The following KHSRP variants were observed in gnomAD, a reference collection of about 807,000 sequenced individuals.
The protein encoded by KHSRP is KH-type splicing regulatory protein.
KHSRP carries 13 observed loss-of-function variants against 94.9 expected under a neutral mutation model. That is an observed-to-expected ratio of 0.14 (90% CI 0.09 to 0.22). The LOEUF is 0.22. Ranked by LOEUF, KHSRP falls within the 10% of genes least tolerant of loss-of-function variation. The pLI is 1.00. For missense variants in KHSRP, 710 were observed against 1,010.0 expected (o/e 0.70, Z 4.03); for synonymous variants, 495 against 401.4 (o/e 1.23, Z -2.79).
At chr19:6,417,192 TCA>T in intron 11 of KHSRP, 105 bp from the exon 12 acceptor site, 1 of 828,798 alleles carries the variant, frequency 1.2e-6, no homozygotes. Context: ...GCCTGAGATC[TCA>T]GACGCGCTGC....
intron 3 of KHSRP, 65 bp downstream of exon 3, chr19:6,421,585 T>C (rs953846226): frequency 5.1e-6 from 8 of 1,560,422 alleles, no homozygotes; most frequent in Non-Finnish European, 7.1e-6. Context: ...TGCTTCCAGC[T>C]CCTGACTCCT....
At chr19:6,420,290 G>T in intron 5 of KHSRP, 132 bp downstream of exon 5, 1 of 1,137,792 alleles carries the variant, frequency 8.8e-7, no homozygotes. Context: ...GCCCAGAGGG[G>T]ACGAAGGAGG....
At chr19:6,416,021 C>T (rs1043545816) in intron 15 of KHSRP, 125 bp from the exon 16 acceptor site, 14 of 686,276 alleles carry the variant, frequency 2.0e-5, no homozygotes, top group East Asian at 8.7e-5. Flanking sequence ...CTCAACGGGG[C>T]GCCTGGGAAA....
intron 2 of KHSRP, 37 bp downstream of exon 2, chr19:6,422,303 C>T: frequency 7.0e-7 from 1 of 1,438,288 alleles, no homozygotes; most frequent in Middle Eastern, 1.8e-4. Context: ...GGCCCCCAGC[C>T]CTTCCTCCTA....
intron 1 of KHSRP, among the ~76,000 whole-genome samples, chr19:6,423,969 C>T (rs1313441887): frequency 1.3e-5 from 2 of 152,176 alleles, no homozygotes; most frequent in African/African-American, 4.8e-5. Flanking sequence ...TAGACAGGTC[C>T]CCATCCACTT....
Position 6,416,426 on chromosome 19 carries a change from A to C in KHSRP, c.1489-19T>G. On this transcript the variant is annotated intron_variant, in intron 14 of 18. Transcript: ENST00000600480. ...GAGGACCCTAGAAGGAAGGAGAGTAACCAAGGTAAGTGGGCTGGGATCCGG... is the reference window on the plus strand; with the variant it reads ...GAGGACCCTAGAAGGAAGGAGAGTACCCAAGGTAAGTGGGCTGGGATCCGG... The C allele has an allele frequency of 6.2e-7, 1 of 1,613,050 alleles. No homozygotes were observed. The highest frequency in any genetic ancestry group is 2.2e-5 in the East Asian group (1 of 44,868).
Position 6,414,219 on chromosome 19 carries a change from G to A in KHSRP, c.*805C>T, listed in dbSNP as rs753741621. The stretch of plus-strand genomic sequence containing the variant: ...GAGGGGCTGGAACACCGTGGGGGGG[G>A]CCAGGAAGCCCCCTCCCAAACCTGC... On this transcript the variant is annotated 3_prime_UTR_variant, in exon 19 of 19. Transcript: ENST00000600480. The A allele has an allele frequency of 1.3e-6, 2 of 1,521,708 alleles. No individual in the cohort carries two copies. The highest frequency in any genetic ancestry group is 8.8e-7 in the Non-Finnish European group (1 of 1,134,600). The allele number at this position is 1,521,708 out of a possible 1,614,324, so 94.3% of individuals were successfully genotyped here. A position where few individuals can be genotyped will look rare whatever the true frequency, so the allele number is the denominator to read the frequency against.
rs144637034 is a variant in KHSRP, at chr19:6,417,157, C to T, written c.1082-70G>A. On this transcript the variant is annotated intron_variant, in intron 11 of 18. Transcript: ENST00000600480. The stretch of plus-strand genomic sequence containing the variant: ...AGCCCACCCCAGAGCCCTGCAACGC[C>T]GCCTCCAGCGCAGACACCACGCCGG... 3.8e-3 allele frequency: 4,627 copies of T among 1,212,256 alleles called. 25 individuals carry two copies. Among genetic ancestry groups the T allele is most frequent in the South Asian group, 5.2e-3 (362 of 69,338 alleles). 75.1% of individuals were successfully genotyped at this position (1,212,256 alleles called of 1,614,324 possible). A position where few individuals can be genotyped will look rare whatever the true frequency, so the allele number is the denominator to read the frequency against.
intron 4 of KHSRP, 125 bp downstream of exon 4, chr19:6,421,153 G>C (rs1027838035): frequency 2.3e-6 from 2 of 857,490 alleles, no homozygotes; most frequent in Admixed American, 2.4e-5. Context: ...GAGCACTCTG[G>C]TCAACTGGCA....
At chr19:6,423,315 G>A (rs2092206439) in intron 1 of KHSRP, among the ~76,000 whole-genome samples, 1 of 152,138 alleles carries the variant, frequency 6.6e-6, no homozygotes. Flanking sequence ...GACTCTATGG[G>A]ACACAAGTTA....
chr19:6,424,216 C>G (rs1435272020), intron 1 of KHSRP: 3 of 152,602 alleles, frequency 2.0e-5, no homozygotes, highest in African/African-American at 7.3e-5. Flanking sequence ...CGCCTGCACA[C>G]CCAGGCGCCG....
Position 6,413,987 on chromosome 19 carries a change from A to T in KHSRP, c.*1037T>A. 1.1e-6 allele frequency: 1 copy of T among 891,922 alleles called. No homozygotes were observed. Among genetic ancestry groups the T allele is most frequent in the Non-Finnish European group, 1.6e-6 (1 of 630,476 alleles). The allele number at this position is 891,922 out of a possible 1,614,324, so 55.3% of individuals were successfully genotyped here. A position where few individuals can be genotyped will look rare whatever the true frequency, so the allele number is the denominator to read the frequency against. On this transcript the variant is annotated 3_prime_UTR_variant, in exon 19 of 19. Transcript: ENST00000600480. ...AGTCCCCCCCACCCTGCTTGCCGCGAGGGCTCCCCAGTACTCCCCACGGCA... is the reference window on the plus strand; with the variant it reads ...AGTCCCCCCCACCCTGCTTGCCGCGTGGGCTCCCCAGTACTCCCCACGGCA...
At chr19:6,416,453 CTG>C (rs779012242) in intron 14 of KHSRP, 35 bp downstream of exon 14, 6 of 1,612,580 alleles carry the variant, frequency 3.7e-6, no homozygotes, top group African/African-American at 2.7e-5. Flanking sequence ...GGGATCCGGG[CTG>C]TGAGACCAAA....
intron 2 of KHSRP, 138 bp from the exon 3 acceptor site, chr19:6,421,826 A>T: frequency 2.1e-6 from 2 of 973,770 alleles, no homozygotes; most frequent in South Asian, 3.0e-5. Context: ...GGAGCCCAGG[A>T]GAGACTGGCC....
At position 6,413,413 on chromosome 19, in the gene KHSRP, A is replaced by AT. The variant is rs745860323; in HGVS notation, c.*1610dup. On this transcript the variant is annotated 3_prime_UTR_variant, in exon 19 of 19. Transcript: ENST00000600480. ...GATAAAAAGTAAAAACTGCCATACA[A>AT]TTTTTTTTGTTGTTCTCATTTTGTT... The AT allele has an allele frequency of 7.7e-4, 313 of 405,894 alleles. 2 individuals are homozygous for AT. Among genetic ancestry groups the AT allele is most frequent in the African/African-American group, 5.6e-3 (256 of 45,850 alleles). 25.1% of individuals were successfully genotyped at this position (405,894 alleles called of 1,614,324 possible). A position where few individuals can be genotyped will look rare whatever the true frequency, so the allele number is the denominator to read the frequency against.
At position 6,417,847 on chromosome 19, in the gene KHSRP, G is replaced by A. The variant is rs776612709; in HGVS notation, c.979-6C>T. The A allele has an allele frequency of 1.2e-6, 2 of 1,612,886 alleles. No individual in the cohort carries two copies. The highest frequency in any genetic ancestry group is 1.7e-6 in the Non-Finnish European group (2 of 1,179,026). ...GAATGCCTGGGCACTGGCACCTGGG[G>A]AGGGAGGCAGCAGCGTCAGCTCGGC... is the stretch of plus-strand genomic sequence containing the variant. On this transcript the variant is annotated splice_region_variant and splice_polypyrimidine_tract_variant and intron_variant, in intron 10 of 18. Coordinates refer to ENST00000600480, the MANE Select transcript of KHSRP (RefSeq NM_001366299.1).
chr19:6,424,367 T>A (rs1374007719), intron 1 of KHSRP, 86 bp downstream of exon 1: 6 of 623,094 alleles, frequency 9.6e-6, no homozygotes, highest in South Asian at 7.1e-5. Context: ...TCCGCGACCC[T>A]GCGCGCGCGC....
Position 6,416,573 on chromosome 19 carries a change from C to T in KHSRP, c.1405G>A (p.Asp469Asn), listed in dbSNP as rs747114260. The T allele has an allele frequency of 6.2e-7, 1 of 1,613,834 alleles. No individual in the cohort carries two copies. The highest frequency in any genetic ancestry group is 1.7e-5 in the Admixed American group (1 of 60,010). ...EISRQLPPNG[D>N]PNFKLFIIRG... Reference sequence around the variant, plus strand: ...ATGATGAACAACTTGAAGTTGGGGTCCCCGTTGGGTGGCAGCTGCCGGGAG... The same window carrying T: ...ATGATGAACAACTTGAAGTTGGGGTTCCCGTTGGGTGGCAGCTGCCGGGAG... Residue 469 changes from aspartate to asparagine, a missense_variant, in exon 14 of 19, where the codon GAC (aspartate) becomes AAC (asparagine). Physicochemically the swap from Asp to Asn is conservative, Grantham distance 23. Transcript: ENST00000600480.
intron 12 of KHSRP, 35 bp downstream of exon 12, chr19:6,416,952 C>T (rs752355693): frequency 1.9e-6 from 3 of 1,613,288 alleles, no homozygotes; most frequent in Non-Finnish European, 2.5e-6. Flanking sequence ...CCCCTGGAGG[C>T]CCTGCCAGCC....
Sources: allele counts gnomAD v4.1 joint callset (sites outside exome capture counted in the v4.1 genomes callset), GRCh38; gene constraint gnomAD v4.1.1; transcripts MANE v1.5; gene names NCBI Gene and HGNC (gene_info 2026-07-23, HGNC 2026-07-21).